Variants in SLC27A2 observed in about 807,000 individuals in gnomAD.
SLC27A2 encodes the protein long-chain fatty acid transport protein 2.
SLC27A2 carries 54 observed loss-of-function variants against 60.0 expected under a neutral mutation model. The ratio of observed to expected loss-of-function variants is 0.90; its 90% CI spans 0.72 to 1.13. SLC27A2 has a LOEUF of 1.13. Among genes scored for constraint, SLC27A2 ranks in the 50% most tolerant of loss-of-function variants. The pLI, the probability that SLC27A2 is intolerant of heterozygous loss-of-function variation, is 0.00. For synonymous variants in SLC27A2, 297 were observed against 297.6 expected (o/e 1.00, Z 0.02); for missense variants, 739 against 777.6 (o/e 0.95, Z 0.59).
chr15:50,205,912 C>G (rs1404286979), intron 4 of SLC27A2, among the ~76,000 whole-genome samples: 1 of 152,110 alleles, frequency 6.6e-6, no homozygotes, highest in African/African-American at 2.4e-5. Flanking sequence ...ACAAATAAAT[C>G]TCTGTGTGAC....
Position 50,228,961 on chromosome 15 carries a change from G to A in SLC27A2, c.1474G>A (p.Val492Met), listed in dbSNP as rs769295703. The A allele has an allele frequency of 6.2e-7, 1 of 1,613,846 alleles. No individual in the cohort carries two copies. The highest frequency in any genetic ancestry group is 1.1e-5 in the South Asian group (1 of 91,070). Residue 492 changes from valine to methionine, a missense_variant, in exon 8 of 10, where the codon GTG becomes ATG. Physicochemically the swap from Val to Met is conservative, Grantham distance 21 (BLOSUM62 1). Transcript: ENST00000267842. ...TTCTTCCAGGTGGAAAGGGGAAAAT[G>A]TGGCCACCACTGAAGTTGCTGATAC... is the stretch of plus-strand genomic sequence containing the variant. ...GDTFRWKGEN[V>M]ATTEVADTVG...
intron 4 of SLC27A2, among the ~76,000 whole-genome samples, chr15:50,216,817 T>A (rs896524191): frequency 1.0e-4 from 14 of 134,406 alleles, no homozygotes; most frequent in African/African-American, 3.9e-4. Context: ...ATATATATAT[T>A]TTATGGATAT....
At position 50,182,616 on chromosome 15, in the gene SLC27A2, G is replaced by A. The variant is rs762554045; in HGVS notation, c.189G>A (p.Ala63=). The A allele has an allele frequency of 8.7e-6, 14 of 1,613,708 alleles. No homozygotes were observed. Among genetic ancestry groups the A allele is most frequent in the Middle Eastern group, 1.6e-4 (1 of 6,084 alleles). Residue 63 remains alanine, a synonymous_variant, in exon 1 of 10, where the codon GCG becomes GCA. Transcript: ENST00000267842. ...RTILRAFLEK[A]RQTPHKPFLL... ...TCCTGCGGGCGTTCCTGGAGAAAGC[G>A]CGCCAGACGCCACACAAGCCTTTTC... is the stretch of plus-strand genomic sequence containing the variant.
chr15:50,223,569 A>T (rs117920923), intron 5 of SLC27A2, among the ~76,000 whole-genome samples: 3,499 of 152,132 alleles, frequency 0.023, 59 homozygotes, highest in Non-Finnish European at 0.035. Context: ...GCAAGGACCA[A>T]CCCGCTAGGC....
rs138827129 is a variant in SLC27A2, at chr15:50,182,816, C to T, written c.389C>T (p.Ala130Val). The change falls in exon 1 of 10, where the codon GCC (alanine) becomes GTC (valine). Residue 130 changes from alanine to valine, a missense_variant. Ala to Val is a moderately conservative substitution (Grantham distance 64, BLOSUM62 0). Transcript: ENST00000267842. ...CTGGGGCTGGTGAAGCTGGGCTGTG[C>T]CATGGCGTGCCTCAATTACAACATC... Reference protein sequence around the residue: ...LWLGLVKLGCAMACLNYNIRA... With the variant: ...LWLGLVKLGCVMACLNYNIRA... The T allele has an allele frequency of 3.1e-6, 5 of 1,613,478 alleles. No homozygotes were observed. Among genetic ancestry groups the T allele is most frequent in the Non-Finnish European group, 8.5e-7 (1 of 1,179,974 alleles).
chr15:50,215,665 C>A (rs2045189979), intron 4 of SLC27A2, among the ~76,000 whole-genome samples: 1 of 152,086 alleles, frequency 6.6e-6, no homozygotes, highest in African/African-American at 2.4e-5. Context: ...AAGCTAAATA[C>A]TTACAGTCAA....
At chr15:50,208,056 G>C (rs1291889937) in intron 4 of SLC27A2, among the ~76,000 whole-genome samples, 1 of 152,030 alleles carries the variant, frequency 6.6e-6, no homozygotes, top group Non-Finnish European at 1.5e-5. Flanking sequence ...AGAATACGCT[G>C]TTGCTGGAGG....
At chr15:50,218,718 C>A (rs1276810584) in intron 4 of SLC27A2, among the ~76,000 whole-genome samples, 1 of 151,934 alleles carries the variant, frequency 6.6e-6, no homozygotes, top group Non-Finnish European at 1.5e-5. Context: ...ATTAAAAAAA[C>A]TTACCATGTA....
intron 4 of SLC27A2, among the ~76,000 whole-genome samples, chr15:50,212,634 TCAAC>T (rs2045166719): frequency 6.6e-6 from 1 of 152,202 alleles, no homozygotes; most frequent in Middle Eastern, 3.2e-3. Context: ...GGCCCTATCT[TCAAC>T]CACCTCAAAC....
chr15:50,229,089 A>G (rs1595693002), intron 8 of SLC27A2, 47 bp downstream of exon 8: 1 of 1,383,846 alleles, frequency 7.2e-7, no homozygotes, highest in Non-Finnish European at 1.0e-6. Context: ...GTAACTGAAC[A>G]TAATTTTGGC....
In SLC27A2 at chr15:50,205,369, A is replaced by T. The variant is rs751655669; in HGVS notation, c.972+6A>T. ...ATTTATGCAACTCACCACAGGTAACACTCCCCCCGTTTTACTATCATTTTG... is the reference window on the plus strand; with the variant it reads ...ATTTATGCAACTCACCACAGGTAACTCTCCCCCCGTTTTACTATCATTTTG... On this transcript the variant is annotated splice_donor_region_variant and intron_variant, in intron 4 of 9. Coordinates refer to ENST00000267842, the MANE Select transcript of SLC27A2 (RefSeq NM_003645.4). 4 of 1,598,252 alleles carry T rather than the reference A, an allele frequency of 2.5e-6. No individual in the cohort carries two copies. The highest frequency in any genetic ancestry group is 1.7e-6 in the Non-Finnish European group (2 of 1,169,702).
intron 4 of SLC27A2, among the ~76,000 whole-genome samples, chr15:50,222,209 G>A (rs546250532): frequency 2.0e-5 from 3 of 152,046 alleles, no homozygotes; most frequent in South Asian, 2.1e-4. Flanking sequence ...TTCTTCCCAG[G>A]CCACCTGAGG....
At chr15:50,221,413 C>T (rs2045241167) in intron 4 of SLC27A2, among the ~76,000 whole-genome samples, 2 of 152,150 alleles carry the variant, frequency 1.3e-5, no homozygotes, top group Admixed American at 6.5e-5. Context: ...GTCCACCTCT[C>T]TGGGTGGGAC....
At chr15:50,230,236 C>CA (rs921052664) in intron 8 of SLC27A2, among the ~76,000 whole-genome samples, 8,467 of 48,462 alleles carry the variant, frequency 0.17, 426 homozygotes, top group Non-Finnish European at 0.21. Flanking sequence ...TCTGTCTCAC[C>CA]AAAAAAAAAA....
chr15:50,186,169 G>A (rs771220239), intron 1 of SLC27A2, among the ~76,000 whole-genome samples: 8 of 152,078 alleles, frequency 5.3e-5, no homozygotes, highest in South Asian at 4.1e-4. Context: ...GCTTGAGCCC[G>A]GGAGGTTGAG....
At chr15:50,226,390 C>T (rs1261766638) in intron 6 of SLC27A2, among the ~76,000 whole-genome samples, 12 of 152,202 alleles carry the variant, frequency 7.9e-5, no homozygotes, top group South Asian at 6.2e-4. Flanking sequence ...AACAACTGTG[C>T]GTTTGTGTAA....
chr15:50,211,983 A>G (rs1025154215), intron 4 of SLC27A2, among the ~76,000 whole-genome samples: 8 of 148,586 alleles, frequency 5.4e-5, no homozygotes, highest in Admixed American at 4.7e-4. Context: ...AGGCAGGAGA[A>G]TGGCATGAAC....
chr15:50,205,123 G>T lies in SLC27A2; in HGVS notation c.848-116G>T, dbSNP rs530667089. ...TTTGAATATAAGGTACTCAATACTT[G>T]TTTGCAAATATAATTTATTTTTAAA... On this transcript the variant is annotated intron_variant, in intron 3 of 9. Coordinates refer to ENST00000267842, the MANE Select transcript of SLC27A2 (RefSeq NM_003645.4). The T allele has an allele frequency of 6.9e-6, 9 of 1,303,074 alleles. No individual in the cohort carries two copies. The Admixed American group carries it at 8.8e-5, about 13-fold the overall frequency. 80.7% of individuals were successfully genotyped at this position (1,303,074 alleles called of 1,614,324 possible). A position where few individuals can be genotyped will look rare whatever the true frequency, so the allele number is the denominator to read the frequency against.
chr15:50,186,455 T>C lies in SLC27A2; in HGVS notation c.478+3550T>C, dbSNP rs1256447681. On this transcript the variant is annotated intron_variant, in intron 1 of 9. Transcript: ENST00000267842. The stretch of plus-strand genomic sequence containing the variant: ...TGTTTGTTTGTTTGTTTGTTTGTTT[T>C]TGAGACAGTCTCGCTCTGTTGCCCA... 1.4e-5 allele frequency among the ~76,000 whole-genome samples: 2 copies of C among 144,938 alleles called. 1 individual carries two copies. Among genetic ancestry groups the C allele is most frequent in the Non-Finnish European group, 3.0e-5 (2 of 65,940 alleles).
Sources: gnomAD v4.1 joint callset for allele counts (sites outside exome capture counted in the v4.1 genomes callset) on GRCh38, gnomAD v4.1.1 for gene constraint, MANE v1.5 for transcripts, NCBI Gene and HGNC (gene_info 2026-07-23, HGNC 2026-07-21) for gene names.